PAPSS1: variants seen among roughly 807,000 people sequenced by gnomAD.
PAPSS1 encodes bifunctional 3'-phosphoadenosine 5'-phosphosulfate synthase 1.
In PAPSS1, 50 loss-of-function variants were observed where a neutral mutation model predicts 72.0. The observed-to-expected ratio is 0.69, with a 90% confidence interval of 0.55 to 0.88. The LOEUF is 0.88. Ranked by LOEUF, PAPSS1 falls within the 40% of genes least tolerant of loss-of-function variation. PAPSS1 has a pLI of 0.00. For synonymous variants in PAPSS1, 261 were observed against 263.6 expected, an observed-to-expected ratio of 0.99 and a Z score of 0.09; for missense variants, 657 against 782.2, an observed-to-expected ratio of 0.84 and a Z score of 1.91.
At chr4:107,648,770 G>GT in intron 9 of PAPSS1, among the ~76,000 whole-genome samples, 1 of 152,262 alleles carries the variant, frequency 6.6e-6, no homozygotes, top group South Asian at 2.1e-4. Flanking sequence ...TGTGCTTAAT[G>GT]TTTGTTTTTG....
intron 1 of PAPSS1, 124 bp downstream of exon 1, chr4:107,719,996 G>T (rs1030668929): frequency 4.1e-5 from 61 of 1,489,570 alleles, no homozygotes; most frequent in Non-Finnish European, 5.3e-5. Context: ...CGCAGCCCCG[G>T]AACCCACCTC....
chr4:107,622,839 C>G (rs933013004), intron 11 of PAPSS1, among the ~76,000 whole-genome samples: 20 of 152,188 alleles, frequency 1.3e-4, no homozygotes, highest in Admixed American at 3.9e-4. Flanking sequence ...CCTACAGTTC[C>G]TTCCATTAAA....
rs142007153 is a variant in PAPSS1 at position 107,701,238 on chromosome 4, G to A, written c.108C>T (p.Ser36=). 62 of 1,613,506 alleles carry A rather than the reference G, an allele frequency of 3.8e-5. No individual in the cohort carries two copies. Among genetic ancestry groups the A allele is most frequent in the Non-Finnish European group, 4.6e-5 (54 of 1,179,784 alleles). ...TNVTYQAHHV[S]RNKRGQVVGT... ...CCACCACCTGACCTCTCTTGTTCCT[G>A]CTGACATGATGGGCTTGGTAGGTGA... The change falls in exon 2 of 12, where the codon AGC becomes AGT. Residue 36 remains serine, a synonymous_variant. Coordinates refer to ENST00000265174, the MANE Select transcript of PAPSS1 (RefSeq NM_005443.5).
At chr4:107,702,207 T>C (rs1030951391) in intron 1 of PAPSS1, among the ~76,000 whole-genome samples, 4 of 152,158 alleles carry the variant, frequency 2.6e-5, no homozygotes, top group Non-Finnish European at 4.4e-5. Flanking sequence ...TATGGAAATA[T>C]TGGAATCCTC....
chr4:107,654,037 AC>A (rs1560573510), intron 8 of PAPSS1, among the ~76,000 whole-genome samples: 2 of 152,072 alleles, frequency 1.3e-5, no homozygotes, highest in Admixed American at 6.6e-5. Context: ...TCTCCACACC[AC>A]CTCAAATTTC....
chr4:107,712,733 C>T lies in PAPSS1; in HGVS notation c.60+7387G>A, dbSNP rs537505026. Among the ~76,000 whole-genome samples the T allele has an allele frequency of 2.0e-4, 30 of 151,956 alleles. No homozygotes were observed. In the South Asian group the frequency reaches 6.3e-3, roughly 32 times the overall value. On this transcript the variant is annotated intron_variant, in intron 1 of 11. Coordinates refer to ENST00000265174, the MANE Select transcript of PAPSS1 (RefSeq NM_005443.5). ...GCTCAAAACGCAAAAATTAGCTGGGCGTGGTGACACGTGCCTATAATCCCA... is the reference window on the plus strand; with the variant it reads ...GCTCAAAACGCAAAAATTAGCTGGGTGTGGTGACACGTGCCTATAATCCCA...
intron 3 of PAPSS1, among the ~76,000 whole-genome samples, chr4:107,691,257 T>C (rs1035768038): frequency 6.6e-6 from 1 of 152,196 alleles, no homozygotes; most frequent in Non-Finnish European, 1.5e-5. Context: ...TTATTCCATT[T>C]ATTGAATAGT....
intron 8 of PAPSS1, among the ~76,000 whole-genome samples, chr4:107,654,492 T>C (rs1195778493): frequency 6.6e-6 from 1 of 152,182 alleles, no homozygotes. Flanking sequence ...ACAATAGAGA[T>C]TTAAAATATG....
intron 1 of PAPSS1, among the ~76,000 whole-genome samples, chr4:107,716,509 C>G (rs988441444): frequency 1.3e-5 from 2 of 152,150 alleles, no homozygotes; most frequent in African/African-American, 4.8e-5. Context: ...TTTTAGGACA[C>G]TACTCCACTG....
intron 1 of PAPSS1, among the ~76,000 whole-genome samples, chr4:107,703,302 G>A (rs1245436590): frequency 2.0e-5 from 3 of 151,902 alleles, no homozygotes; most frequent in Non-Finnish European, 4.4e-5. Context: ...CCATTCTGTA[G>A]GTTGTCTCTT....
chr4:107,615,217 A>C (rs1343639669), intron 11 of PAPSS1, among the ~76,000 whole-genome samples: 2 of 152,164 alleles, frequency 1.3e-5, no homozygotes, highest in Non-Finnish European at 2.9e-5. Context: ...CAAACCAGTA[A>C]GCACAGAGCA....
At chr4:107,652,891 A>G (rs550954778) in intron 9 of PAPSS1, among the ~76,000 whole-genome samples, 1 of 152,230 alleles carries the variant, frequency 6.6e-6, no homozygotes, top group Admixed American at 6.5e-5. Flanking sequence ...TGCTTTAAAC[A>G]ACTTTCTCTA....
At chr4:107,624,460 T>C (rs1219980454) in intron 11 of PAPSS1, among the ~76,000 whole-genome samples, 2 of 152,150 alleles carry the variant, frequency 1.3e-5, no homozygotes, top group Admixed American at 6.5e-5. Flanking sequence ...AACCTAGCAA[T>C]GGCTTGCAAG....
intron 5 of PAPSS1, among the ~76,000 whole-genome samples, chr4:107,667,866 T>G (rs1727363097): frequency 6.6e-6 from 1 of 152,208 alleles, no homozygotes; most frequent in African/African-American, 2.4e-5. Flanking sequence ...TCACACTAGC[T>G]GGACACAGGT....
intron 5 of PAPSS1, 78 bp downstream of exon 5, chr4:107,681,937 C>T: frequency 1.4e-6 from 1 of 737,150 alleles, no homozygotes; most frequent in Non-Finnish European, 2.4e-6. Context: ...ATTAACACCA[C>T]CATTTTTTTT....
chr4:107,659,846 GC>G (rs11291153), intron 6 of PAPSS1, 112 bp downstream of exon 6: 566,660 of 607,568 alleles, frequency 0.93, 264,503 homozygotes, highest in South Asian at 0.96. Flanking sequence ...CAACATCTTT[GC>G]CCCCCCAGCT....
chr4:107,675,086 G>C (rs1384756170), intron 5 of PAPSS1, among the ~76,000 whole-genome samples: 1 of 152,102 alleles, frequency 6.6e-6, no homozygotes, highest in Non-Finnish European at 1.5e-5. Flanking sequence ...AAGCAGGAAA[G>C]ATCTAAAATG....
At chr4:107,618,400 A>G (rs1725877082) in intron 11 of PAPSS1, among the ~76,000 whole-genome samples, 1 of 151,254 alleles carries the variant, frequency 6.6e-6, no homozygotes, top group African/African-American at 2.4e-5. Flanking sequence ...AGGAAACGAG[A>G]GAAGGCTTAC....
intron 9 of PAPSS1, among the ~76,000 whole-genome samples, chr4:107,651,048 T>C (rs1726826823): frequency 6.6e-6 from 1 of 152,134 alleles, no homozygotes; most frequent in Non-Finnish European, 1.5e-5. Flanking sequence ...GCCTAAAACA[T>C]GTTAGCAAAA....
Sources: gnomAD v4.1 joint callset for allele counts (sites outside exome capture counted in the v4.1 genomes callset) on GRCh38, gnomAD v4.1.1 for gene constraint, MANE v1.5 for transcripts, NCBI Gene and HGNC (gene_info 2026-07-23, HGNC 2026-07-21) for gene names.